The following RIMBP2 variants were observed in gnomAD, a reference collection of about 807,000 sequenced individuals.
RIMBP2 encodes RIMS binding protein 2.
RIMBP2 carries 48 observed loss-of-function variants against 118.6 expected under a neutral mutation model. The observed-to-expected ratio is 0.40, with a 90% CI of 0.32 to 0.51. The LOEUF is 0.51. Among genes scored for constraint, RIMBP2 ranks in the 20% least tolerant of loss-of-function variants. RIMBP2 has a pLI of 0.41. For missense variants in RIMBP2, 1,551 were observed against 1,768.3 expected (o/e 0.88, Z 2.20); for synonymous variants, 762 against 742.9 (o/e 1.03, Z -0.42).
chr12:130,562,354 A>T (rs1279074955), intron 2 of RIMBP2, among the ~76,000 whole-genome samples: 1 of 152,198 alleles, frequency 6.6e-6, no homozygotes, highest in Non-Finnish European at 1.5e-5. Context: ...TTATGACTTT[A>T]CCTAACTGGA....
chr12:130,573,807 T>C (rs2057885245), intron 2 of RIMBP2, among the ~76,000 whole-genome samples: 1 of 151,974 alleles, frequency 6.6e-6, no homozygotes, highest in South Asian at 2.1e-4. Context: ...TTGAAAGCGC[T>C]CTAGGCTGAT....
At chr12:130,658,134 A>C (rs1360896977) in intron 1 of RIMBP2, 1 of 152,296 alleles carries the variant, frequency 6.6e-6, no homozygotes, top group Non-Finnish European at 1.5e-5. Flanking sequence ...GCCCCAGCTC[A>C]GGAGAGCAGC....
intron 1 of RIMBP2, among the ~76,000 whole-genome samples, chr12:130,678,627 CCTGCCT>C (rs1361951283): frequency 1.3e-5 from 2 of 152,192 alleles, no homozygotes; most frequent in Admixed American, 6.5e-5. Flanking sequence ...AAGCGACTCT[CCTGCCT>C]CAGCCTCCAG....
At chr12:130,588,687 T>G (rs1399257248) in intron 2 of RIMBP2, among the ~76,000 whole-genome samples, 1 of 152,238 alleles carries the variant, frequency 6.6e-6, no homozygotes, top group Non-Finnish European at 1.5e-5. Context: ...CGGAAAGCAT[T>G]TGAGGACATC....
rs1038957041 is a variant in RIMBP2 at position 130,576,135 on chromosome 12, G to A, written c.-217+52187C>T. ...GGCAAAGGGGCTGCGGACAGGTGAG[G>A]GGGAGGAGGGGGCTGCAGATCGTAC... On this transcript the variant is annotated intron_variant, in intron 2 of 22. Transcript: ENST00000690449. The surrounding 1 kb of genome is among the most constrained non-coding windows in gnomAD (Gnocchi z 4.2). Among the ~76,000 whole-genome samples, 10 of 152,118 alleles carry A rather than the reference G, an allele frequency of 6.6e-5. No homozygotes were observed. The highest frequency in any genetic ancestry group is 6.5e-4 in the Admixed American group (10 of 15,272).
chr12:130,443,142 G>A (rs2078268715), intron 10 of RIMBP2, among the ~76,000 whole-genome samples: 1 of 151,984 alleles, frequency 6.6e-6, no homozygotes, highest in Admixed American at 6.5e-5. Context: ...GTGATTTCCT[G>A]GCCCCCTTGA....
intron 7 of RIMBP2, among the ~76,000 whole-genome samples, chr12:130,453,005 G>C (rs1412646103): frequency 6.6e-6 from 1 of 152,144 alleles, no homozygotes; most frequent in African/African-American, 2.4e-5. Flanking sequence ...TGGTTCCCAC[G>C]GGCCCCTCGA....
At chr12:130,715,761 C>CA (rs61431635) in intron 1 of RIMBP2, among the ~76,000 whole-genome samples, 3 of 151,400 alleles carry the variant, frequency 2.0e-5, no homozygotes, top group South Asian at 2.1e-4. Context: ...CCCTTCCCCC[C>CA]CTCCACCCCG....
chr12:130,459,061 A>AAAAAAAAAC (rs2079733130), intron 6 of RIMBP2, among the ~76,000 whole-genome samples: 2 of 8,644 alleles, frequency 2.3e-4, no homozygotes, highest in Non-Finnish European at 1.3e-3. Context: ...AAAAAAAAAC[A>AAAAAAAAAC]AAAAAAAAGT....
At chr12:130,451,080 C>T (rs1474074249) in intron 8 of RIMBP2, 115 bp downstream of exon 8, 6 of 1,254,012 alleles carry the variant, frequency 4.8e-6, no homozygotes, top group Middle Eastern at 3.9e-4. Flanking sequence ...AAGAACCAAC[C>T]AGAAGGAAGA....
In RIMBP2 at chr12:130,424,973, G is replaced by T. The variant is rs902345318; in HGVS notation, c.2413-115C>A. ...GAATTAGTCCTGGAGGCACCGAGGG[G>T]GGGGAAGCATGCGTCTACTCAGGCC... is the stretch of plus-strand genomic sequence containing the variant. On this transcript the variant is annotated intron_variant, in intron 15 of 22. Transcript: ENST00000690449. This position sits in a 1 kb window ranked among gnomAD's most constrained non-coding sequence, Gnocchi z 9.8. 144 of 546,236 alleles carry T rather than the reference G, an allele frequency of 2.6e-4. 1 individual carries two copies. Among genetic ancestry groups the T allele is most frequent in the East Asian group, 1.7e-4 (5 of 28,650 alleles). 33.8% of individuals were successfully genotyped at this position (546,236 alleles called of 1,614,324 possible). A position where few individuals can be genotyped will look rare whatever the true frequency, so the allele number is the denominator to read the frequency against.
chr12:130,451,382 T>C (rs2078998811), intron 7 of RIMBP2, 42 bp from the exon 8 acceptor site: 2 of 1,572,518 alleles, frequency 1.3e-6, no homozygotes, highest in South Asian at 1.2e-5. Flanking sequence ...AATATGCGAA[T>C]AACATCGTCA....
intron 2 of RIMBP2, among the ~76,000 whole-genome samples, chr12:130,567,303 C>T (rs2057288508): frequency 6.6e-6 from 1 of 152,186 alleles, no homozygotes; most frequent in South Asian, 2.1e-4. Context: ...CTGGCGTATG[C>T]ACCACAAGAA....
rs1435850595 is a variant in RIMBP2 at position 130,396,678 on chromosome 12, G to A, written c.*683C>T. 2.0e-5 allele frequency: 3 copies of A among 152,632 alleles called. No homozygotes were observed. Among genetic ancestry groups the A allele is most frequent in the African/African-American group, 7.2e-5 (3 of 41,460 alleles). 9.5% of individuals were successfully genotyped at this position (152,632 alleles called of 1,614,324 possible). ...CGGCTTTCTGGAAGGTTGGAGTACTGGTGCTTTACCAAACAAAGTTACTTT... is the reference window on the plus strand; with the variant it reads ...CGGCTTTCTGGAAGGTTGGAGTACTAGTGCTTTACCAAACAAAGTTACTTT... On this transcript the variant is annotated 3_prime_UTR_variant, in exon 23 of 23. Coordinates refer to ENST00000690449, the MANE Select transcript of RIMBP2 (RefSeq NM_001393629.1).
chr12:130,572,313 G>A (rs908911529), intron 2 of RIMBP2, among the ~76,000 whole-genome samples: 2 of 144,700 alleles, frequency 1.4e-5, no homozygotes, highest in African/African-American at 4.9e-5. Flanking sequence ...AGGCGCTCCT[G>A]AGTCCCAAAT....
Position 130,517,894 on chromosome 12 carries a change from G to T in RIMBP2, c.-193C>A, listed in dbSNP as rs2051643748. On this transcript the variant is annotated 5_prime_UTR_variant, in exon 3 of 23. Coordinates refer to ENST00000690449, the MANE Select transcript of RIMBP2 (RefSeq NM_001393629.1). ...GGGATCTCAGGAGATACTCTCCCTG[G>T]GTGGCATCCTTCAGTTCATTTTCCT... is the stretch of plus-strand genomic sequence containing the variant. 1.0e-6 allele frequency: 1 copy of T among 985,664 alleles called. No homozygotes were observed. The highest frequency in any genetic ancestry group is 1.2e-6 in the Non-Finnish European group (1 of 829,776). The allele number at this position is 985,664 out of a possible 1,614,324, so 61.1% of individuals were successfully genotyped here. A position where few individuals can be genotyped will look rare whatever the true frequency, so the allele number is the denominator to read the frequency against.
At chr12:130,407,688 G>A (rs552086627) in intron 20 of RIMBP2, 38 bp downstream of exon 20, 4 of 1,490,520 alleles carry the variant, frequency 2.7e-6, no homozygotes, top group African/African-American at 2.8e-5. Context: ...GGAAGGGTGT[G>A]GTTGTGTCCG....
At chr12:130,588,964 T>A (rs1419120763) in intron 2 of RIMBP2, among the ~76,000 whole-genome samples, 1 of 152,206 alleles carries the variant, frequency 6.6e-6, no homozygotes, top group African/African-American at 2.4e-5. Context: ...GAATTCCTTA[T>A]GAAATTAATC....
chr12:130,695,640 A>G (rs897824970), intron 1 of RIMBP2, among the ~76,000 whole-genome samples: 13 of 152,090 alleles, frequency 8.5e-5, no homozygotes, highest in African/African-American at 3.1e-4. Context: ...GGTTTTAAGC[A>G]ACAGAGTGAG....
Sources: gnomAD v4.1 joint callset for allele counts (sites outside exome capture counted in the v4.1 genomes callset) on GRCh38, gnomAD v4.1.1 for gene constraint, Gnocchi (gnomAD v3.1) non-coding constraint, MANE v1.5 for transcripts, NCBI Gene and HGNC (gene_info 2026-07-23, HGNC 2026-07-21) for gene names.